Variants in PIK3CA observed in about 807,000 individuals in gnomAD.
The protein encoded by PIK3CA is phosphatidylinositol 4,5-bisphosphate 3-kinase catalytic subunit alpha isoform.
Under a neutral mutation model 138.2 loss-of-function variants are expected in PIK3CA, and 27 were observed. That is an observed-to-expected ratio of 0.20 (90% CI 0.14 to 0.27). The LOEUF (loss-of-function observed/expected upper bound fraction) is 0.27. Among genes scored for constraint, PIK3CA ranks in the 10% least tolerant of loss-of-function variants. PIK3CA has a pLI of 1.00. For synonymous variants in PIK3CA, 358 were observed against 413.2 expected (o/e 0.87, Z 1.62); for missense variants, 544 against 1,277.4 (o/e 0.43, Z 8.75).
At chr3:179,174,602 G>A (rs1242628169) in intron 1 of PIK3CA, among the ~76,000 whole-genome samples, 1 of 152,116 alleles carries the variant, frequency 6.6e-6, no homozygotes, top group South Asian at 2.1e-4. Context: ...TCTGGTATTT[G>A]CCACCTTATA....
Position 179,204,992 on chromosome 3 carries a change from G to A in PIK3CA, c.1145+404G>A, listed in dbSNP as rs187730824. Among the ~76,000 whole-genome samples, 241 of 118,238 alleles carry A rather than the reference G, an allele frequency of 2.0e-3. 1 individual carries two copies. Among genetic ancestry groups the A allele is most frequent in the African/African-American group, 7.6e-3 (236 of 30,998 alleles). 77.6% of individuals were successfully genotyped at this position (118,238 alleles called of 152,430 possible). ...GCTGAGATTGTGCCATTGCACTCCA[G>A]CCTGGGCAACAGAGCGAGACTCCGT... On this transcript the variant is annotated intron_variant, in intron 6 of 20. Transcript: ENST00000263967.
rs1478035372 is a variant in PIK3CA at position 179,236,285 on chromosome 3, T to TA, written c.*1922dup. On this transcript the variant is annotated 3_prime_UTR_variant, in exon 21 of 21. Coordinates refer to ENST00000263967, the MANE Select transcript of PIK3CA (RefSeq NM_006218.4). Reference sequence around the variant, plus strand: ...AGTAAATTTGAAGATTAAGGGAACTTACTTCTGCAAACTGTCTTGCGATAG... The same window carrying TA: ...AGTAAATTTGAAGATTAAGGGAACTTAACTTCTGCAAACTGTCTTGCGATAG... 1 of 208,396 alleles carries TA rather than the reference T, an allele frequency of 4.8e-6. No individual in the cohort carries two copies. The highest frequency in any genetic ancestry group is 5.9e-5 in the Admixed American group (1 of 16,850). 12.9% of individuals were successfully genotyped at this position (208,396 alleles called of 1,614,324 possible).
At chr3:179,162,321 A>T (rs372705385) in intron 1 of PIK3CA, among the ~76,000 whole-genome samples, 37 of 152,196 alleles carry the variant, frequency 2.4e-4, no homozygotes, top group African/African-American at 8.2e-4. Context: ...CTACAAGTAG[A>T]TAAACACATT....
chr3:179,188,191 G>C (rs1400662883), intron 1 of PIK3CA, among the ~76,000 whole-genome samples: 1 of 152,142 alleles, frequency 6.6e-6, no homozygotes, highest in Non-Finnish European at 1.5e-5. Flanking sequence ...AAATAATCTG[G>C]AGATTTCCAT....
At chr3:179,176,267 C>T (rs773858338) in intron 1 of PIK3CA, among the ~76,000 whole-genome samples, 26 of 152,216 alleles carry the variant, frequency 1.7e-4, no homozygotes, top group Middle Eastern at 6.8e-3. Context: ...CTGAGTACAC[C>T]AACTGGAGTT....
At chr3:179,178,921 G>C (rs935463480) in intron 1 of PIK3CA, among the ~76,000 whole-genome samples, 12 of 152,218 alleles carry the variant, frequency 7.9e-5, no homozygotes, top group African/African-American at 2.9e-4. Flanking sequence ...CTTTTACCGG[G>C]GTCTGATCAT....
chr3:179,163,785 AT>A (rs879356909), intron 1 of PIK3CA, among the ~76,000 whole-genome samples: 279 of 145,374 alleles, frequency 1.9e-3, no homozygotes, highest in Middle Eastern at 7.2e-3. Flanking sequence ...ATATGTAGTG[AT>A]TTTTTTTTTT....
chr3:179,217,511 C>T (rs3975509), intron 9 of PIK3CA, among the ~76,000 whole-genome samples: 1 of 152,046 alleles, frequency 6.6e-6, no homozygotes, highest in Non-Finnish European at 1.5e-5. Flanking sequence ...TGTCTGCTTT[C>T]ATTTTTAGCC....
At chr3:179,229,062 G>C (rs958561177) in intron 17 of PIK3CA, among the ~76,000 whole-genome samples, 2 of 152,004 alleles carry the variant, frequency 1.3e-5, no homozygotes, top group African/African-American at 4.8e-5. Context: ...TTTCTCAGTT[G>C]AAGGTTATAA....
chr3:179,193,385 G>A (rs1724185749), intron 1 of PIK3CA, among the ~76,000 whole-genome samples: 1 of 152,176 alleles, frequency 6.6e-6, no homozygotes, highest in East Asian at 1.9e-4. Context: ...CTGACTAGAA[G>A]AAGGAGATGC....
At chr3:179,211,249 TATA>T in intron 9 of PIK3CA, among the ~76,000 whole-genome samples, 1 of 152,212 alleles carries the variant, frequency 6.6e-6, no homozygotes. Context: ...TGCAAACATA[TATA>T]AAGATGCAGT....
chr3:179,188,174 A>C (rs1358096700), intron 1 of PIK3CA, among the ~76,000 whole-genome samples: 1 of 152,136 alleles, frequency 6.6e-6, no homozygotes, highest in Non-Finnish European at 1.5e-5. Flanking sequence ...CTTTGCTACT[A>C]TATGTTAAAT....
At chr3:179,166,638 G>A (rs141796013) in intron 1 of PIK3CA, among the ~76,000 whole-genome samples, 1 of 152,132 alleles carries the variant, frequency 6.6e-6, no homozygotes, top group Non-Finnish European at 1.5e-5. Flanking sequence ...ACAAATATTT[G>A]TTTAATCAAA....
At position 179,198,698 on chromosome 3, in the gene PIK3CA, A is replaced by G. The variant is rs1576931755; in HGVS notation, c.-76-52A>G. ...TACATTTTAGCAGTGTTATAAATGT[A>G]TTCTTCTGTAGTTGTGTCTCTTTTA... is the stretch of plus-strand genomic sequence containing the variant. On this transcript the variant is annotated intron_variant, in intron 1 of 20. Coordinates refer to ENST00000263967, the MANE Select transcript of PIK3CA (RefSeq NM_006218.4). 1.9e-5 allele frequency: 10 copies of G among 530,336 alleles called. No individual in the cohort carries two copies. In the East Asian group the frequency reaches 3.1e-4, roughly 16 times the overall value. 32.9% of individuals were successfully genotyped at this position (530,336 alleles called of 1,614,324 possible). A position where few individuals can be genotyped will look rare whatever the true frequency, so the allele number is the denominator to read the frequency against.
At chr3:179,181,545 T>A (rs1723846807) in intron 1 of PIK3CA, among the ~76,000 whole-genome samples, 1 of 152,184 alleles carries the variant, frequency 6.6e-6, no homozygotes, top group Non-Finnish European at 1.5e-5. Flanking sequence ...ATTAACTAAT[T>A]GTTTTAATTC....
At chr3:179,198,339 C>A (rs1724319512) in intron 1 of PIK3CA, among the ~76,000 whole-genome samples, 1 of 152,170 alleles carries the variant, frequency 6.6e-6, no homozygotes, top group Non-Finnish European at 1.5e-5. Context: ...GACCCATGAT[C>A]TGAAAGATTG....
At chr3:179,226,231 T>A (rs944601698) in intron 17 of PIK3CA, among the ~76,000 whole-genome samples, 191 bp downstream of exon 17, 24 of 152,162 alleles carry the variant, frequency 1.6e-4, no homozygotes, top group African/African-American at 5.8e-4. Flanking sequence ...TTCAGCTAAG[T>A]AAAAAGAGCT....
intron 6 of PIK3CA, among the ~76,000 whole-genome samples, chr3:179,205,020 C>CAAAAAAAAAAAAAAAAAAAAAA (rs574908621): frequency 5.6e-5 from 3 of 53,348 alleles, no homozygotes; most frequent in Non-Finnish European, 1.0e-4. Flanking sequence ...GACTCCGTCT[C>CAAAAAAAAAAAAAAAAAAAAAA]AAAAAAAAAA....
intron 1 of PIK3CA, among the ~76,000 whole-genome samples, chr3:179,168,296 T>C (rs962695093): frequency 2.0e-5 from 3 of 152,212 alleles, no homozygotes; most frequent in African/African-American, 7.2e-5. Flanking sequence ...AGTATAGAAT[T>C]CCTGGTCAAA....
Sources: gnomAD v4.1 joint callset for allele counts (sites outside exome capture counted in the v4.1 genomes callset) on GRCh38, gnomAD v4.1.1 for gene constraint, MANE v1.5 for transcripts, NCBI Gene and HGNC (gene_info 2026-07-23, HGNC 2026-07-21) for gene names.